The following ZBTB20 variants were observed in gnomAD, a reference collection of about 807,000 sequenced individuals.
ZBTB20 encodes the protein zinc finger and BTB domain-containing protein 20.
A neutral mutation model predicts 56.9 loss-of-function variants in ZBTB20; 9 were observed. The observed-to-expected ratio is 0.16, with a 90% CI of 0.10 to 0.28. The LOEUF is 0.28. ZBTB20 is among the 10% of genes least tolerant of loss of function. ZBTB20 has a pLI of 1.00. For missense variants in ZBTB20, 655 were observed against 1,003.0 expected (o/e 0.65, Z 4.69); for synonymous variants, 417 against 420.7 (o/e 0.99, Z 0.11).
chr3:114,541,123 C>G (rs1185008475), intron 6 of ZBTB20, among the ~76,000 whole-genome samples: 1 of 151,946 alleles, frequency 6.6e-6, no homozygotes, highest in South Asian at 2.1e-4. Flanking sequence ...AGGTTAAATG[C>G]CCTTTTGATT....
chr3:114,587,144 C>T (rs2055263142), intron 6 of ZBTB20, among the ~76,000 whole-genome samples: 1 of 151,642 alleles, frequency 6.6e-6, no homozygotes, highest in South Asian at 2.1e-4. Context: ...CTACAGGCAC[C>T]CACCACCACA....
chr3:115,128,895 C>A (rs186738523), intron 1 of ZBTB20, among the ~76,000 whole-genome samples: 18 of 152,102 alleles, frequency 1.2e-4, no homozygotes, highest in Non-Finnish European at 2.2e-4. Context: ...GTCAGGAGAT[C>A]GAGACCATCC....
intron 2 of ZBTB20, among the ~76,000 whole-genome samples, chr3:114,987,861 G>A (rs189336402): frequency 5.5e-4 from 84 of 152,214 alleles, no homozygotes; most frequent in Non-Finnish European, 7.6e-4. Context: ...GGTACAACAT[G>A]TTGAAAGGGA....
intron 8 of ZBTB20, among the ~76,000 whole-genome samples, chr3:114,385,428 C>A (rs2084986370): frequency 6.6e-6 from 1 of 152,158 alleles, no homozygotes; most frequent in African/African-American, 2.4e-5. Context: ...AATAATAATA[C>A]CTACCGCTTA....
chr3:114,534,980 C>T (rs1180986852), intron 6 of ZBTB20, among the ~76,000 whole-genome samples: 1 of 152,202 alleles, frequency 6.6e-6, no homozygotes, highest in Non-Finnish European at 1.5e-5. Context: ...CTCTGGGACA[C>T]AGCTAAACTA....
At chr3:114,710,420 T>G (rs1014131233) in intron 5 of ZBTB20, 3 of 152,206 alleles carry the variant, frequency 2.0e-5, no homozygotes, top group Admixed American at 2.0e-4. Context: ...CTACATCTCT[T>G]TATTTGGAAA....
chr3:114,398,968 C>A (rs990684622), intron 7 of ZBTB20, among the ~76,000 whole-genome samples: 1 of 152,170 alleles, frequency 6.6e-6, no homozygotes, highest in African/African-American at 2.4e-5. Context: ...TTCCATCTTT[C>A]CCATAAAGCT....
At chr3:114,389,841 A>G (rs2085631254) in intron 7 of ZBTB20, among the ~76,000 whole-genome samples, 2 of 129,512 alleles carry the variant, frequency 1.5e-5, no homozygotes, top group Admixed American at 1.9e-4. Context: ...GTGAGCCGAG[A>G]TTGCACCACT....
chr3:115,066,452 T>C (rs2082210745), intron 2 of ZBTB20, among the ~76,000 whole-genome samples: 3 of 152,162 alleles, frequency 2.0e-5, no homozygotes, highest in African/African-American at 7.2e-5. Flanking sequence ...CCTCATAGCT[T>C]CACAGTCACT....
At chr3:115,110,611 C>T (rs563828161) in intron 1 of ZBTB20, among the ~76,000 whole-genome samples, 2 of 152,230 alleles carry the variant, frequency 1.3e-5, no homozygotes, top group African/African-American at 4.8e-5. Context: ...TTTTATTTTA[C>T]ACTTATATTG....
intron 10 of ZBTB20, chr3:114,366,738 G>A (rs986464045): frequency 2.6e-5 from 4 of 152,224 alleles, no homozygotes; most frequent in South Asian, 2.1e-4. Flanking sequence ...GCAGACGTCC[G>A]AAATTATCTC....
chr3:114,354,001 A>C (rs1026371327), intron 10 of ZBTB20, among the ~76,000 whole-genome samples: 21 of 152,200 alleles, frequency 1.4e-4, no homozygotes, highest in African/African-American at 4.8e-4. Flanking sequence ...TCTGGCCCTT[A>C]GGGATCCACG....
At chr3:114,727,978 GA>G (rs1000056814) in intron 5 of ZBTB20, among the ~76,000 whole-genome samples, 43 of 150,640 alleles carry the variant, frequency 2.9e-4, no homozygotes, top group African/African-American at 8.3e-4. Flanking sequence ...AATAATACAG[GA>G]AAAAAAAATT....
intron 2 of ZBTB20, among the ~76,000 whole-genome samples, chr3:115,070,335 CAT>C (rs1456772506): frequency 6.6e-6 from 1 of 151,984 alleles, no homozygotes; most frequent in African/African-American, 2.4e-5. Flanking sequence ...TTTTTGAACT[CAT>C]ATTTTATCAG....
At chr3:115,103,704 A>G (rs2083645255) in intron 1 of ZBTB20, among the ~76,000 whole-genome samples, 1 of 152,236 alleles carries the variant, frequency 6.6e-6, no homozygotes, top group Non-Finnish European at 1.5e-5. Context: ...ATTAACTCAA[A>G]ATGGATGGAT....
chr3:114,726,621 C>T lies in ZBTB20; in HGVS notation c.-342-33046G>A, dbSNP rs1192668070. On this transcript the variant is annotated intron_variant, in intron 5 of 11. Transcript: ENST00000675478. ...CTTGGAGAACCACTGCTTTAGAAGA[C>T]AGTGAGATAGGCCGGGCGCGGTGGC... 5.3e-5 allele frequency among the ~76,000 whole-genome samples: 8 copies of T among 152,206 alleles called. No individual in the cohort carries two copies. In the East Asian group the frequency reaches 1.5e-3, roughly 29 times the overall value.
intron 7 of ZBTB20, among the ~76,000 whole-genome samples, chr3:114,470,103 T>C (rs2039956504): frequency 6.6e-6 from 1 of 152,154 alleles, no homozygotes; most frequent in Non-Finnish European, 1.5e-5. Context: ...GGGAGTCTCT[T>C]TTTAGTGAGA....
chr3:114,702,996 G>C (rs1305075971), intron 5 of ZBTB20, among the ~76,000 whole-genome samples: 1 of 149,712 alleles, frequency 6.7e-6, no homozygotes, highest in Non-Finnish European at 1.5e-5. Flanking sequence ...ACACAAATTT[G>C]TGTGTGTGTG....
intron 2 of ZBTB20, among the ~76,000 whole-genome samples, chr3:115,051,212 T>C (rs1181689323): frequency 6.6e-6 from 1 of 152,098 alleles, no homozygotes; most frequent in East Asian, 1.9e-4. Flanking sequence ...TTAGTTCCTA[T>C]GGTGACAATG....
Sources: gnomAD v4.1 joint callset for allele counts (sites outside exome capture counted in the v4.1 genomes callset) on GRCh38, gnomAD v4.1.1 for gene constraint, MANE v1.5 for transcripts, NCBI Gene and HGNC (gene_info 2026-07-23, HGNC 2026-07-21) for gene names.